Variants in SNX3 observed in about 807,000 individuals in gnomAD.
SNX3 encodes sorting nexin 3.
In SNX3, 5 loss-of-function variants were observed where a neutral mutation model predicts 17.7. That is an observed-to-expected ratio of 0.28 (90% CI 0.15 to 0.59). SNX3 has a LOEUF of 0.59. Among genes scored for constraint, SNX3 ranks in the 20% least tolerant of loss-of-function variants. The pLI, the probability that SNX3 is intolerant of heterozygous loss-of-function variation, is 0.88. For missense variants in SNX3, 132 were observed against 206.8 expected (o/e 0.64, Z 2.22); for synonymous variants, 91 against 76.5 (o/e 1.19, Z -0.99).
chr6:108,222,803 T>C, intron 2 of SNX3, 147 bp downstream of exon 2: 1 of 660,312 alleles, frequency 1.5e-6, no homozygotes, highest in Middle Eastern at 4.0e-4. Context: ...ACACAGACTC[T>C]ACCTCTATAA....
chr6:108,261,032 C>A lies in SNX3; in HGVS notation c.-111G>T, dbSNP rs1776191832. 3.7e-6 allele frequency: 4 copies of A among 1,085,132 alleles called. No individual in the cohort carries two copies. In the Admixed American group the frequency reaches 1.2e-4, roughly 33 times the overall value. 67.2% of individuals were successfully genotyped at this position (1,085,132 alleles called of 1,614,324 possible). On this transcript the variant is annotated 5_prime_UTR_variant, in exon 1 of 4. Transcript: ENST00000230085. ...GGACACGGGGCTCGCGCGCAGCGGTCGCGAAGAGAACGAGCACGTAGAGCG... is the reference window on the plus strand; with the variant it reads ...GGACACGGGGCTCGCGCGCAGCGGTAGCGAAGAGAACGAGCACGTAGAGCG...
intron 1 of SNX3, among the ~76,000 whole-genome samples, chr6:108,257,956 C>G (rs913775213): frequency 2.0e-5 from 3 of 151,844 alleles, no homozygotes; most frequent in African/African-American, 4.8e-5. Context: ...GAGCAAGGCT[C>G]TGTCTCAAAA....
chr6:108,215,809 G>A (rs927350872), intron 2 of SNX3, among the ~76,000 whole-genome samples: 1 of 152,102 alleles, frequency 6.6e-6, no homozygotes, highest in African/African-American at 2.4e-5. Flanking sequence ...GTGTGAGCCT[G>A]TAGTCCCAGC....
In SNX3 at chr6:108,214,608, C is replaced by T. The variant is rs1199955633; in HGVS notation, c.273G>A (p.Pro91=). The T allele has an allele frequency of 5.6e-6, 9 of 1,611,942 alleles. No individual in the cohort carries two copies. Among genetic ancestry groups the T allele is most frequent in the Admixed American group, 1.7e-5 (1 of 59,298 alleles). ...GACGCAAAAACGCTTTCCCAGGGAGCGGGGGAACTACGACCTAAAATGTGA... is the reference window on the plus strand; with the variant it reads ...GACGCAAAAACGCTTTCCCAGGGAGTGGGGGAACTACGACCTAAAATGTGA... ...LERESKVVVP[P]LPGKAFLRQL... Residue 91 remains proline (P), a synonymous_variant, in exon 3 of 4, where the codon CCG becomes CCA. Coordinates refer to ENST00000230085, the MANE Select transcript of SNX3 (RefSeq NM_003795.6).
chr6:108,238,506 TG>T (rs1271615850), intron 1 of SNX3, among the ~76,000 whole-genome samples: 1 of 152,172 alleles, frequency 6.6e-6, no homozygotes, highest in East Asian at 1.9e-4. Context: ...GGCATGTGCC[TG>T]TAGTCCCAGC....
intron 1 of SNX3, among the ~76,000 whole-genome samples, chr6:108,243,154 A>G (rs1314701398): frequency 1.3e-5 from 2 of 152,024 alleles, no homozygotes; most frequent in African/African-American, 4.8e-5. Context: ...AGTGCAGGCT[A>G]TTTACAGGCA....
chr6:108,254,421 C>T (rs986826646), intron 1 of SNX3, among the ~76,000 whole-genome samples: 4 of 152,136 alleles, frequency 2.6e-5, no homozygotes, highest in Non-Finnish European at 4.4e-5. Flanking sequence ...GCCCAGATTG[C>T]ACCACCGTGC....
chr6:108,223,497 CTTTTTTTTTTTTTTTTT>C (rs59920022), intron 1 of SNX3, among the ~76,000 whole-genome samples: 12 of 110,366 alleles, frequency 1.1e-4, no homozygotes, highest in Non-Finnish European at 1.7e-4. Flanking sequence ...TTTGCTAGTT[CTTTTTTTTTTTTTTTTT>C]TTTTTTTTTT....
At chr6:108,253,457 T>G (rs1775933115) in intron 1 of SNX3, among the ~76,000 whole-genome samples, 1 of 150,668 alleles carries the variant, frequency 6.6e-6, no homozygotes, top group Non-Finnish European at 1.5e-5. Context: ...GATATAGACA[T>G]GGATGATGCA....
At position 108,235,976 on chromosome 6, in the gene SNX3, TTC is replaced by T. The variant is rs553252825; in HGVS notation, c.163-12933_163-12932del. On this transcript the variant is annotated intron_variant, in intron 1 of 3. Coordinates refer to ENST00000230085, the MANE Select transcript of SNX3 (RefSeq NM_003795.6). ...CTTCCTTAATTAGCTTCTGATTATA[TTC>T]TGAGTAGTTGAAGTTCCTCAATAAT... Among the ~76,000 whole-genome samples, 583 of 152,336 alleles carry T rather than the reference TTC, an allele frequency of 3.8e-3. 2 individuals are homozygous for T. Among genetic ancestry groups the T allele is most frequent in the African/African-American group, 0.013 (542 of 41,572 alleles).
At chr6:108,251,848 G>C (rs550555213) in intron 1 of SNX3, among the ~76,000 whole-genome samples, 15 of 152,022 alleles carry the variant, frequency 9.9e-5, no homozygotes, top group Non-Finnish European at 1.9e-4. Context: ...TATCACTTGA[G>C]GCCAGGAGTT....
chr6:108,250,365 A>G (rs1194491739), intron 1 of SNX3, among the ~76,000 whole-genome samples: 1 of 152,218 alleles, frequency 6.6e-6, no homozygotes, highest in African/African-American at 2.4e-5. Flanking sequence ...CTTATAGAGT[A>G]AAAGTGGTCT....
chr6:108,254,621 G>GATAT (rs1273667462), intron 1 of SNX3, among the ~76,000 whole-genome samples: 1 of 152,158 alleles, frequency 6.6e-6, no homozygotes, highest in Non-Finnish European at 1.5e-5. Flanking sequence ...TTGAGTAAGG[G>GATAT]TGATTATGAC....
At chr6:108,240,482 G>A (rs1394030407) in intron 1 of SNX3, among the ~76,000 whole-genome samples, 1 of 152,134 alleles carries the variant, frequency 6.6e-6, no homozygotes, top group African/African-American at 2.4e-5. Context: ...GCCTCCCAAA[G>A]TGTTGGGATT....
intron 1 of SNX3, among the ~76,000 whole-genome samples, chr6:108,236,558 T>C (rs1412174242): frequency 6.6e-6 from 1 of 151,308 alleles, no homozygotes; most frequent in Non-Finnish European, 1.5e-5. Context: ...TAATTTTTTG[T>C]ATTTTTAGTA....
At chr6:108,236,380 T>TATTATTA (rs201950888) in intron 1 of SNX3, among the ~76,000 whole-genome samples, 6 of 126,334 alleles carry the variant, frequency 4.7e-5, no homozygotes, top group African/African-American at 1.6e-4. Context: ...TTATTATTAT[T>TATTATTA]TTTTTTTTTT....
chr6:108,227,978 A>G (rs1394504041), intron 1 of SNX3, among the ~76,000 whole-genome samples: 2 of 152,160 alleles, frequency 1.3e-5, no homozygotes, highest in South Asian at 2.1e-4. Flanking sequence ...TTTACTGATC[A>G]TCTATAAAAG....
intron 1 of SNX3, among the ~76,000 whole-genome samples, chr6:108,237,786 T>C (rs560363643): frequency 6.7e-6 from 1 of 150,022 alleles, no homozygotes; most frequent in Admixed American, 6.6e-5. Context: ...TGAGACTCTA[T>C]TTCAAAAAAA....
intron 1 of SNX3, among the ~76,000 whole-genome samples, chr6:108,242,618 C>T (rs1775554322): frequency 6.6e-6 from 1 of 152,214 alleles, no homozygotes; most frequent in Admixed American, 6.5e-5. Context: ...GGCATACACA[C>T]CTCCCCTAGA....
Sources: gnomAD v4.1 joint callset for allele counts (sites outside exome capture counted in the v4.1 genomes callset) on GRCh38, gnomAD v4.1.1 for gene constraint, MANE v1.5 for transcripts, NCBI Gene and HGNC (gene_info 2026-07-23, HGNC 2026-07-21) for gene names.